The following PCDH15 variants were observed in gnomAD, a reference collection of about 807,000 sequenced individuals.
The protein encoded by PCDH15 is protocadherin-15.
In PCDH15, 129 loss-of-function variants were observed where a neutral mutation model predicts 178.5. That is an observed-to-expected ratio of 0.72 (90% CI 0.63 to 0.84). The LOEUF is 0.84. Ranked by LOEUF, PCDH15 falls within the 40% of genes least tolerant of loss-of-function variation. PCDH15 has a pLI of 0.00. For synonymous variants in PCDH15, 800 were observed against 732.0 expected, an observed-to-expected ratio of 1.09 and a Z score of -1.50; for missense variants, 2,230 against 2,099.9, an observed-to-expected ratio of 1.06 and a Z score of -1.21.
At chr10:54,356,981 C>T (rs1252201044) in intron 5 of PCDH15, among the ~76,000 whole-genome samples, 1 of 152,076 alleles carries the variant, frequency 6.6e-6, no homozygotes, top group East Asian at 1.9e-4. Context: ...TAAAAAATCT[C>T]AATAAATTAG....
At chr10:54,818,715 T>C (rs1240072892) in intron 3 of PCDH15, among the ~76,000 whole-genome samples, 3 of 151,870 alleles carry the variant, frequency 2.0e-5, no homozygotes, top group Non-Finnish European at 4.4e-5. Flanking sequence ...CCTCCCCGAG[T>C]GTTTTTGTTC....
At chr10:54,700,021 C>T (rs1216290102) in intron 1 of PCDH15, among the ~76,000 whole-genome samples, 1 of 151,998 alleles carries the variant, frequency 6.6e-6, no homozygotes, top group African/African-American at 2.4e-5. Context: ...AGCAGGTTCC[C>T]AGCATGAAGG....
intron 1 of PCDH15, among the ~76,000 whole-genome samples, chr10:54,694,698 A>C (rs1299428200): frequency 1.3e-5 from 2 of 152,078 alleles, no homozygotes; most frequent in Non-Finnish European, 2.9e-5. Context: ...AGGTCCATAG[A>C]AGATGATAAA....
chr10:55,054,173 C>G (rs140864259), intron 2 of PCDH15, among the ~76,000 whole-genome samples: 1 of 152,056 alleles, frequency 6.6e-6, no homozygotes, highest in African/African-American at 2.4e-5. Flanking sequence ...TTTTGATGTA[C>G]CTTCCACCCT....
intron 25 of PCDH15, among the ~76,000 whole-genome samples, chr10:53,914,470 T>C (rs1782292692): frequency 6.6e-6 from 1 of 152,154 alleles, no homozygotes; most frequent in Non-Finnish European, 1.5e-5. Flanking sequence ...TGGAGGGACA[T>C]GGATGAAGTT....
chr10:54,490,310 C>A, intron 3 of PCDH15, among the ~76,000 whole-genome samples: 1 of 151,782 alleles, frequency 6.6e-6, no homozygotes. Context: ...ATTAGATGGG[C>A]GTGGTGGCGG....
chr10:55,558,216 A>G (rs1321220629), intron 2 of PCDH15, among the ~76,000 whole-genome samples: 1 of 152,106 alleles, frequency 6.6e-6, no homozygotes, highest in African/African-American at 2.4e-5. Flanking sequence ...ATATATTCTG[A>G]CAGCCACAGA....
intron 16 of PCDH15, among the ~76,000 whole-genome samples, chr10:54,082,064 T>C (rs1348063335): frequency 6.6e-6 from 1 of 152,094 alleles, no homozygotes; most frequent in Non-Finnish European, 1.5e-5. Flanking sequence ...TGGCTCAGAG[T>C]GGCCTTGAAA....
chr10:55,456,879 G>A lies in PCDH15; in HGVS notation c.-156+170746C>T, dbSNP rs1383047796. ...AGTTCTGAGCAGTAACTGGTAATTA[G>A]TATTAGAGGCTTTATCATTCTTCCT... is the stretch of plus-strand genomic sequence containing the variant. On this transcript the variant is annotated intron_variant, in intron 2 of 5. Coordinates refer to the PCDH15 transcript ENST00000613346. 5.9e-5 allele frequency among the ~76,000 whole-genome samples: 9 copies of A among 152,134 alleles called. No individual in the cohort carries two copies. The East Asian group carries it at 1.5e-3, about 26-fold the overall frequency.
rs1554833338 is a variant in PCDH15 at position 54,194,693 on chromosome 10, T to TCTATCTA, written c.1305+989_1305+990insTAGATAG. On this transcript the variant is annotated intron_variant, in intron 11 of 37. Coordinates refer to ENST00000644397, the MANE Select transcript of PCDH15 (RefSeq NM_001384140.1). Reference sequence around the variant, plus strand: ...CTATCTATCTATCTATCTATCTATATCTGTATGTGTATGTATACCTGTGTA... The same window carrying TCTATCTA: ...CTATCTATCTATCTATCTATCTATATCTATCTACTGTATGTGTATGTATACCTGTGTA... 7.2e-4 allele frequency among the ~76,000 whole-genome samples: 109 copies of TCTATCTA among 151,536 alleles called. 1 individual carries two copies. The highest frequency in any genetic ancestry group is 2.5e-3 in the African/African-American group (101 of 41,186).
At chr10:55,569,845 C>T (rs1842373108) in intron 2 of PCDH15, among the ~76,000 whole-genome samples, 1 of 151,954 alleles carries the variant, frequency 6.6e-6, no homozygotes, top group East Asian at 1.9e-4. Context: ...ACATCATCAC[C>T]CTAATGCCAG....
intron 2 of PCDH15, among the ~76,000 whole-genome samples, chr10:55,509,491 C>T (rs530326077): frequency 1.3e-5 from 2 of 151,894 alleles, no homozygotes; most frequent in Non-Finnish European, 2.9e-5. Context: ...GTTATAGTTA[C>T]TAATCAAATT....
chr10:54,358,779 A>G (rs1368876606), intron 5 of PCDH15, among the ~76,000 whole-genome samples: 1 of 152,032 alleles, frequency 6.6e-6, no homozygotes, highest in Non-Finnish European at 1.5e-5. Flanking sequence ...CAACAGTGAT[A>G]GACTGGATTA....
chr10:54,469,767 G>C (rs1025537280), intron 3 of PCDH15, among the ~76,000 whole-genome samples: 2 of 152,138 alleles, frequency 1.3e-5, no homozygotes, highest in Admixed American at 1.3e-4. Context: ...CTCCAAGGCA[G>C]TGGGTTTGGT....
intron 2 of PCDH15, among the ~76,000 whole-genome samples, chr10:55,040,800 A>T (rs562814877): frequency 6.6e-6 from 1 of 152,122 alleles, no homozygotes. Flanking sequence ...ACACTAAAGT[A>T]AATTAATTTC....
intron 2 of PCDH15, among the ~76,000 whole-genome samples, chr10:55,617,771 A>C (rs1041277414): frequency 6.6e-6 from 1 of 152,026 alleles, no homozygotes; most frequent in African/African-American, 2.4e-5. Context: ...CCTTCAGTTC[A>C]GAGTAGCATT....
chr10:54,323,755 C>T (rs2061755173), intron 7 of PCDH15, among the ~76,000 whole-genome samples: 1 of 151,862 alleles, frequency 6.6e-6, no homozygotes, highest in Non-Finnish European at 1.5e-5. Flanking sequence ...CCATTGAGTA[C>T]TATGCTGACC....
At chr10:55,030,399 T>C (rs2131965501) in intron 2 of PCDH15, among the ~76,000 whole-genome samples, 1 of 152,306 alleles carries the variant, frequency 6.6e-6, no homozygotes, top group Middle Eastern at 3.4e-3. Flanking sequence ...AGGGATATTT[T>C]GTAGAATAAA....
At chr10:55,242,621 C>T (rs560294225) in intron 1 of PCDH15, among the ~76,000 whole-genome samples, 7 of 152,132 alleles carry the variant, frequency 4.6e-5, no homozygotes, top group Admixed American at 1.3e-4. Flanking sequence ...ACAGGCAGAT[C>T]GCTTGAGCCC....
Sources: gnomAD v4.1 joint callset for allele counts (sites outside exome capture counted in the v4.1 genomes callset) on GRCh38, gnomAD v4.1.1 for gene constraint, MANE v1.5 for transcripts, NCBI Gene and HGNC (gene_info 2026-07-23, HGNC 2026-07-21) for gene names.